The following MS4A6E variants were observed in gnomAD, a reference collection of about 807,000 sequenced individuals.
MS4A6E encodes membrane-spanning 4-domains subfamily A member 6E.
In MS4A6E, 8 loss-of-function variants were observed where a neutral mutation model predicts 13.2. That is an observed-to-expected ratio of 0.60 (90% CI 0.35 to 1.09). The LOEUF is 1.09. MS4A6E is among the 50% of genes least tolerant of loss of function. The pLI, the probability that MS4A6E is intolerant of heterozygous loss-of-function variation, is 0.02. For synonymous variants in MS4A6E, 72 were observed against 67.6 expected, an observed-to-expected ratio of 1.06 and a Z score of -0.32; for missense variants, 177 against 171.1, an observed-to-expected ratio of 1.03 and a Z score of -0.19.
intron 1 of MS4A6E, among the ~76,000 whole-genome samples, chr11:60,331,754 A>G (rs565033569): frequency 1.1e-3 from 170 of 152,298 alleles, no homozygotes; most frequent in African/African-American, 3.5e-3. Context: ...TAAAATTCTA[A>G]CCCCTAAAGT....
rs542514525 is a variant in MS4A6E, at chr11:60,336,546, T to C, written c.148-1195T>C. ...TAGTGAGTTCTACTCTTGTCACACA[T>C]TGTACCAGCCCTTTTTGAGATTGAA... On this transcript the variant is annotated intron_variant, in intron 2 of 4. Transcript: ENST00000684409. Among the ~76,000 whole-genome samples, 15 of 152,236 alleles carry C rather than the reference T, an allele frequency of 9.9e-5. 1 individual carries two copies. Among genetic ancestry groups the C allele is most frequent in the Admixed American group, 3.3e-4 (5 of 15,284 alleles).
At chr11:60,348,932 C>T (rs908001412) in intron 4 of MS4A6E, among the ~76,000 whole-genome samples, 2 of 152,096 alleles carry the variant, frequency 1.3e-5, no homozygotes, top group Non-Finnish European at 2.9e-5. Flanking sequence ...AATTGAGGTC[C>T]ACTTCTATAC....
chr11:60,337,922 G>C lies in MS4A6E; in HGVS notation c.329G>C (p.Cys110Ser). ...YDYHSPYTMDCHRAKASLAGT... is the reference protein window; with the variant it reads ...YDYHSPYTMDSHRAKASLAGT... ...TATCATTCACCTTACACCATGGACTGCCATAGAGCCAAAGCCAGTCTGGCT... is the reference window on the plus strand; with the variant it reads ...TATCATTCACCTTACACCATGGACTCCCATAGAGCCAAAGCCAGTCTGGCT... Residue 110 changes from cysteine (C) to serine (S), a missense_variant, in exon 3 of 5, where the codon TGC becomes TCC. Physicochemically the swap from Cys to Ser is moderately radical, Grantham distance 112. Transcript: ENST00000684409. 1 of 1,614,168 alleles carries C rather than the reference G, an allele frequency of 6.2e-7. No individual in the cohort carries two copies. The highest frequency in any genetic ancestry group is 8.5e-7 in the Non-Finnish European group (1 of 1,180,026).
chr11:60,344,512 T>G (rs1197908982), downstream of MS4A6E, among the ~76,000 whole-genome samples: 1 of 152,208 alleles, frequency 6.6e-6, no homozygotes, highest in Non-Finnish European at 1.5e-5. Flanking sequence ...CTGGGCACAT[T>G]GATGAGTTTT....
chr11:60,327,769 T>C (rs12803929), intron 1 of MS4A6E, among the ~76,000 whole-genome samples: 52,796 of 151,804 alleles, frequency 0.35, 9,789 homozygotes, highest in East Asian at 0.41. Flanking sequence ...GGTTCAATGC[T>C]TGTAATCCCA....
At chr11:60,330,491 C>T (rs2085148215) in intron 1 of MS4A6E, among the ~76,000 whole-genome samples, 2 of 151,464 alleles carry the variant, frequency 1.3e-5, no homozygotes, top group African/African-American at 4.9e-5. Flanking sequence ...CAGGCACCCA[C>T]CACCACGCCC....
chr11:60,347,143 G>A (rs140346474), intron 4 of MS4A6E, among the ~76,000 whole-genome samples: 230 of 152,240 alleles, frequency 1.5e-3, no homozygotes, highest in African/African-American at 5.2e-3. Flanking sequence ...GTTAGTGGGG[G>A]TCCCAGATAA....
rs1229952154 is a variant in MS4A6E, at chr11:60,337,792, G to A, written c.199G>A (p.Gly67Ser). 1.9e-6 allele frequency: 3 copies of A among 1,613,998 alleles called. No homozygotes were observed. The highest frequency in any genetic ancestry group is 2.5e-6 in the Non-Finnish European group (3 of 1,180,026). The change falls in exon 3 of 5, where the codon GGT becomes AGT. Residue 67 changes from glycine to serine, a missense_variant. Transcript: ENST00000684409. The stretch of plus-strand genomic sequence containing the variant: ...TCTGAGTGCTCTGTCTGCCCTGGTG[G>A]GTTTCATTCTCCTGTCTGTCAACCC... ...SILSALSALVGFILLSVNPAA... is the reference protein window; with the variant it reads ...SILSALSALVSFILLSVNPAA...
chr11:60,333,715 C>T (rs1179332977), intron 1 of MS4A6E, among the ~76,000 whole-genome samples: 4 of 152,094 alleles, frequency 2.6e-5, no homozygotes, highest in African/African-American at 7.2e-5. Context: ...AGGAGGGATC[C>T]CTAGAACTAG....
intron 4 of MS4A6E, among the ~76,000 whole-genome samples, chr11:60,348,768 G>A (rs529330561): frequency 6.6e-6 from 1 of 152,366 alleles, no homozygotes; most frequent in African/African-American, 2.4e-5. Context: ...TAACCTGGGG[G>A]ATTGGCCATG....
chr11:60,333,242 A>T (rs367626836), intron 1 of MS4A6E, among the ~76,000 whole-genome samples: 2 of 129,588 alleles, frequency 1.5e-5, no homozygotes, highest in African/African-American at 5.4e-5. Context: ...AAACACATGA[A>T]TTTTTTTCTT....
intron 4 of MS4A6E, among the ~76,000 whole-genome samples, chr11:60,340,471 T>C (rs2085217080): frequency 6.6e-6 from 1 of 152,236 alleles, no homozygotes; most frequent in Admixed American, 6.5e-5. Context: ...AAAAGATATA[T>C]TAAAAATGTA....
chr11:60,347,988 C>T (rs906293413), intron 4 of MS4A6E, among the ~76,000 whole-genome samples: 2 of 151,998 alleles, frequency 1.3e-5, no homozygotes, highest in African/African-American at 4.8e-5. Context: ...AAGTGTTTAC[C>T]CTTAGACAGC....
downstream of MS4A6E, among the ~76,000 whole-genome samples, chr11:60,342,169 GTGTGTGTGTGAGAGAGAGAGAGAGA>G (rs1565157533): frequency 2.3e-4 from 8 of 34,946 alleles, no homozygotes; most frequent in African/African-American, 8.6e-4. Context: ...GTGTGTGTGT[GTGTGTGTGTGAGAGAGAGAGAGAGA>G]GAGAGAGGGG....
intron 4 of MS4A6E, among the ~76,000 whole-genome samples, chr11:60,348,948 A>G (rs987785555): frequency 2.6e-5 from 4 of 152,332 alleles, no homozygotes; most frequent in Admixed American, 6.5e-5. Flanking sequence ...TATACTCAGG[A>G]GAAGAATGGG....
chr11:60,329,771 T>C (rs1331912378), intron 1 of MS4A6E, among the ~76,000 whole-genome samples: 1 of 152,208 alleles, frequency 6.6e-6, no homozygotes, highest in Non-Finnish European at 1.5e-5. Context: ...CCTATGTTTG[T>C]TAGCCATATA....
intron 3 of MS4A6E, 73 bp from the exon 4 acceptor site, chr11:60,339,792 TG>T: frequency 7.7e-7 from 1 of 1,291,622 alleles, no homozygotes; most frequent in Non-Finnish European, 1.1e-6. Flanking sequence ...TTCATCTCTA[TG>T]GTCACCTCTA....
rs563254060 is a variant in MS4A6E, at chr11:60,340,111, G to A, written c.*9+147G>A. On this transcript the variant is annotated intron_variant, in intron 4 of 4. Coordinates refer to ENST00000684409, the MANE Select transcript of MS4A6E (RefSeq NM_139249.4). ...GTCATTTAAATGGTGATGGAAGACCGAGAAGAAAAGCAGATGGTAATTGAG... is the reference window on the plus strand; with the variant it reads ...GTCATTTAAATGGTGATGGAAGACCAAGAAGAAAAGCAGATGGTAATTGAG... 7.9e-5 allele frequency: 97 copies of A among 1,224,200 alleles called. 1 individual carries two copies. Among genetic ancestry groups the A allele is most frequent in the Middle Eastern group, 2.5e-4 (1 of 3,984 alleles). 75.8% of individuals were successfully genotyped at this position (1,224,200 alleles called of 1,614,324 possible).
At chr11:60,342,183 GA>G (rs2085230810), downstream of MS4A6E, among the ~76,000 whole-genome samples, 5 of 16,790 alleles carry the variant, frequency 3.0e-4, no homozygotes, top group African/African-American at 8.0e-4. Context: ...GTGTGTGAGA[GA>G]GAGAGAGAGA....
Sources: gnomAD v4.1 joint callset for allele counts (sites outside exome capture counted in the v4.1 genomes callset) on GRCh38, gnomAD v4.1.1 for gene constraint, MANE v1.5 for transcripts, NCBI Gene and HGNC (gene_info 2026-07-23, HGNC 2026-07-21) for gene names.